CRY2: variants seen among roughly 807,000 people sequenced by gnomAD.
The protein encoded by CRY2 is cryptochrome circadian regulator 2.
CRY2 carries 31 observed loss-of-function variants against 69.5 expected under a neutral mutation model. The observed-to-expected ratio is 0.45, with a 90% CI of 0.34 to 0.60. The LOEUF is 0.60. CRY2 is among the 20% of genes least tolerant of loss of function. The pLI is 0.02. For synonymous variants in CRY2, 303 were observed against 312.2 expected (o/e 0.97, Z 0.31); for missense variants, 606 against 797.8 (o/e 0.76, Z 2.90).
chr11:45,876,383 T>C (rs954988567), intron 11 of CRY2, among the ~76,000 whole-genome samples: 9 of 152,256 alleles, frequency 5.9e-5, no homozygotes, highest in Non-Finnish European at 1.3e-4. Context: ...ACCAGCTATC[T>C]GTTCTGCATT....
At chr11:45,868,534 G>C (rs534085359) in intron 6 of CRY2, among the ~76,000 whole-genome samples, 1 of 151,228 alleles carries the variant, frequency 6.6e-6, no homozygotes, top group South Asian at 2.1e-4. Context: ...GCCCAGGCTG[G>C]TCTCGAACTC....
chr11:45,855,927 A>G, intron 1 of CRY2, 55 bp from the exon 2 acceptor site: 1 of 1,439,536 alleles, frequency 6.9e-7, no homozygotes, highest in South Asian at 1.1e-5. Flanking sequence ...TTTGTTAGGA[A>G]AGAGAGCCAC....
chr11:45,859,820 C>T (rs571082988), intron 3 of CRY2, among the ~76,000 whole-genome samples: 4 of 152,154 alleles, frequency 2.6e-5, no homozygotes, highest in Admixed American at 2.6e-4. Context: ...CAGCCGCCGC[C>T]GCTCCCCACC....
upstream of CRY2, chr11:45,847,417 C>A: frequency 6.3e-7 from 1 of 1,589,138 alleles, no homozygotes. Flanking sequence ...TCATAGGTCA[C>A]TGGGCGGGCT....
In CRY2 at chr11:45,882,346, G is replaced by C; in HGVS notation, c.*1435G>C. 3.1e-6 allele frequency: 1 copy of C among 319,916 alleles called. No homozygotes were observed. The highest frequency in any genetic ancestry group is 5.7e-6 in the Non-Finnish European group (1 of 175,954). The allele number at this position is 319,916 out of a possible 1,614,324, so 19.8% of individuals were successfully genotyped here. A position where few individuals can be genotyped will look rare whatever the true frequency, so the allele number is the denominator to read the frequency against. ...TTCCTGTTTGGATTTTTGTCCTCAC[G>C]TGTATCATTAAGCTGGCCTTTGGGC... On this transcript the variant is annotated 3_prime_UTR_variant, in exon 12 of 12. Coordinates refer to ENST00000616080, the MANE Select transcript of CRY2 (RefSeq NM_021117.5).
chr11:45,850,642 G>GT (rs5791706), intron 1 of CRY2, among the ~76,000 whole-genome samples: 2,725 of 152,262 alleles, frequency 0.018, 86 homozygotes, highest in Admixed American at 0.084. Context: ...CATGACTGTA[G>GT]TATGTGTAAT....
chr11:45,861,825 A>T, intron 4 of CRY2: 1 of 488,590 alleles, frequency 2.0e-6, no homozygotes, highest in Admixed American at 3.8e-5. Flanking sequence ...GAGGTCCGGG[A>T]TTGTTGTCAT....
intron 1 of CRY2, among the ~76,000 whole-genome samples, chr11:45,851,536 C>T (rs1272671917): frequency 2.0e-5 from 3 of 152,100 alleles, no homozygotes; most frequent in African/African-American, 2.4e-5. Context: ...CACATTGGTA[C>T]CTGAGAGAGG....
chr11:45,874,740 C>T (rs1194011994), intron 11 of CRY2, among the ~76,000 whole-genome samples: 2 of 152,054 alleles, frequency 1.3e-5, no homozygotes, highest in South Asian at 2.1e-4. Flanking sequence ...GTCAGGAGTT[C>T]GAGACCAGCC....
chr11:45,877,065 A>C (rs781772925), intron 11 of CRY2, among the ~76,000 whole-genome samples: 2 of 152,158 alleles, frequency 1.3e-5, no homozygotes, highest in Non-Finnish European at 2.9e-5. Flanking sequence ...CATATCCCCT[A>C]GCGCTTTCCC....
At chr11:45,856,650 G>T (rs1348857809) in intron 2 of CRY2, among the ~76,000 whole-genome samples, 3 of 152,184 alleles carry the variant, frequency 2.0e-5, no homozygotes, top group Non-Finnish European at 4.4e-5. Context: ...CAAAAAATTA[G>T]CTGGGCATGT....
At chr11:45,860,391 A>C (rs1309425102) in intron 3 of CRY2, among the ~76,000 whole-genome samples, 1 of 151,626 alleles carries the variant, frequency 6.6e-6, no homozygotes, top group Non-Finnish European at 1.5e-5. Context: ...AGAGTTAAAA[A>C]AAAAAAAAAA....
chr11:45,865,578 C>T (rs1390596228), intron 5 of CRY2, among the ~76,000 whole-genome samples: 3 of 152,182 alleles, frequency 2.0e-5, no homozygotes, highest in Non-Finnish European at 4.4e-5. Context: ...GGAAGAGTCT[C>T]AGTTAACCAG....
Position 45,858,719 on chromosome 11 carries a change from C to T in CRY2, c.325-12C>T. On this transcript the variant is annotated splice_polypyrimidine_tract_variant and intron_variant, in intron 2 of 11. Coordinates refer to ENST00000616080, the MANE Select transcript of CRY2 (RefSeq NM_021117.5). The stretch of plus-strand genomic sequence containing the variant: ...AACACAGTGTTGAGCATAACAGATC[C>T]TCTCCCCACAGGAATGGGGAGTGAC... The T allele has an allele frequency of 6.2e-7, 1 of 1,611,234 alleles. No individual in the cohort carries two copies. Among genetic ancestry groups the T allele is most frequent in the Non-Finnish European group, 8.5e-7 (1 of 1,178,462 alleles).
rs575466557 is a variant in CRY2, at chr11:45,872,427, T to C, written c.*2+194T>C. Among the ~76,000 whole-genome samples, 6 of 152,116 alleles carry C rather than the reference T, an allele frequency of 3.9e-5. No individual in the cohort carries two copies. In the South Asian group the frequency reaches 6.2e-4, roughly 16 times the overall value. Reference sequence around the variant, plus strand: ...ATCCTGGCTTAGGGAATGAGTACTTTCTGGTTGATATCTGTGTGACCTTTA... The same window carrying C: ...ATCCTGGCTTAGGGAATGAGTACTTCCTGGTTGATATCTGTGTGACCTTTA... On this transcript the variant is annotated intron_variant, in intron 11 of 11. Coordinates refer to ENST00000616080, the MANE Select transcript of CRY2 (RefSeq NM_021117.5).
Position 45,870,045 on chromosome 11 carries a change from C to T in CRY2, c.1195-8C>T. ...CCAAGGAGGCTGATCATCCCCTCCC[C>T]TATCTAGGTATTTGATGAGCTGCTC... On this transcript the variant is annotated splice_polypyrimidine_tract_variant and splice_region_variant and intron_variant, in intron 7 of 11. Coordinates refer to ENST00000616080, the MANE Select transcript of CRY2 (RefSeq NM_021117.5). 1.9e-6 allele frequency: 3 copies of T among 1,590,300 alleles called. No individual in the cohort carries two copies. The highest frequency in any genetic ancestry group is 2.6e-6 in the Non-Finnish European group (3 of 1,166,508).
At chr11:45,860,192 C>G (rs142992271) in intron 3 of CRY2, among the ~76,000 whole-genome samples, 131 of 152,192 alleles carry the variant, frequency 8.6e-4, no homozygotes, top group African/African-American at 2.8e-3. Flanking sequence ...TTTCCCTGGT[C>G]ATGAAAAATA....
chr11:45,870,612 A>T (rs1204518109), intron 9 of CRY2, 80 bp downstream of exon 9: 2 of 1,516,960 alleles, frequency 1.3e-6, no homozygotes, highest in African/African-American at 2.7e-5. Flanking sequence ...ATGTCCAGAT[A>T]CTTGCAAAGG....
intron 8 of CRY2, 28 bp downstream of exon 8, chr11:45,870,232 C>T (rs549344603): frequency 3.1e-6 from 5 of 1,610,098 alleles, no homozygotes; most frequent in East Asian, 4.5e-5. Context: ...GCTCTCTGGC[C>T]TCTGACCACT....
Sources: gnomAD v4.1 joint callset for allele counts (sites outside exome capture counted in the v4.1 genomes callset) on GRCh38, gnomAD v4.1.1 for gene constraint, MANE v1.5 for transcripts, NCBI Gene and HGNC (gene_info 2026-07-23, HGNC 2026-07-21) for gene names.